The following PTBP3 variants were observed in gnomAD, a reference collection of about 807,000 sequenced individuals.
The protein encoded by PTBP3 is polypyrimidine tract-binding protein 3.
Under a neutral mutation model 58.7 loss-of-function variants are expected in PTBP3, and 20 were observed. The ratio of observed to expected loss-of-function variants is 0.34; its 90% CI spans 0.24 to 0.50. PTBP3 has a LOEUF of 0.50. Ranked by LOEUF, PTBP3 falls within the 20% of genes least tolerant of loss-of-function variation. The probability of loss-of-function intolerance (pLI) is 0.98; values close to 1 mark genes in which losing one functional copy is unlikely to be tolerated. For synonymous variants in PTBP3, 185 were observed against 219.8 expected (o/e 0.84, Z 1.40); for missense variants, 509 against 637.2 (o/e 0.80, Z 2.17).
At chr9:112,262,094 C>T (rs1205687622) in intron 5 of PTBP3, among the ~76,000 whole-genome samples, 1 of 152,198 alleles carries the variant, frequency 6.6e-6, no homozygotes, top group East Asian at 1.9e-4. Context: ...AGGTAAGAAG[C>T]TGTCCAGAAA....
At chr9:112,371,030 G>C in the PTBP3 span, among the ~76,000 whole-genome samples, 2 of 151,748 alleles carry the variant, frequency 1.3e-5, no homozygotes, top group Non-Finnish European at 2.9e-5. Context: ...GGATTCCTTA[G>C]GTTTTTCTAG....
At chr9:112,338,291 T>C (rs925826670), upstream of PTBP3, among the ~76,000 whole-genome samples, 2 of 152,168 alleles carry the variant, frequency 1.3e-5, no homozygotes, top group African/African-American at 4.8e-5. Flanking sequence ...ATGATAAAAT[T>C]GCATAGAACT....
the PTBP3 span, among the ~76,000 whole-genome samples, chr9:112,377,181 G>A: frequency 6.6e-6 from 1 of 152,168 alleles, no homozygotes; most frequent in Admixed American, 6.6e-5. Flanking sequence ...ACCAACCTGG[G>A]CAACATAGTG....
rs943015791 is a variant in PTBP3 at position 112,220,073 on chromosome 9, T to C, written c.*3778A>G. 1.7e-6 allele frequency: 2 copies of C among 1,184,518 alleles called. No homozygotes were observed. The highest frequency in any genetic ancestry group is 1.6e-5 in the African/African-American group (1 of 61,960). 73.4% of individuals were successfully genotyped at this position (1,184,518 alleles called of 1,614,324 possible). On this transcript the variant is annotated 3_prime_UTR_variant, in exon 14 of 14. Coordinates refer to ENST00000374257, the MANE Select transcript of PTBP3 (RefSeq NM_001163788.4). The stretch of plus-strand genomic sequence containing the variant: ...AAGACAAAGGAAAGGCTAAGAAAAA[T>C]GCTTTACGCATCGTCACGCTGTCTC...
chr9:112,265,225 G>A (rs1046810683), intron 4 of PTBP3, among the ~76,000 whole-genome samples: 3 of 151,874 alleles, frequency 2.0e-5, no homozygotes, highest in South Asian at 2.1e-4. Context: ...CTTAGGAGCC[G>A]GGTGCAGTGG....
At chr9:112,254,682 CT>C (rs1475502557) in intron 5 of PTBP3, among the ~76,000 whole-genome samples, 2 of 152,156 alleles carry the variant, frequency 1.3e-5, no homozygotes, top group Admixed American at 6.5e-5. Context: ...TATCACCTAA[CT>C]TCCATTAGGA....
At chr9:112,231,979 GAGAAGAGAAGAGAAGAGA>G (rs1564391497) in intron 9 of PTBP3, 102 bp downstream of exon 9, 50 of 409,676 alleles carry the variant, frequency 1.2e-4, no homozygotes, top group Admixed American at 2.6e-4. Context: ...GAGAAGAGAA[GAGAAGAGAAGAGAAGAGA>G]AGAGAAGAGA....
chr9:112,333,454 G>A lies in PTBP3; in HGVS notation c.-52+16C>T, dbSNP rs769768119. ...CAAGGCAACCCGGTGCGGCCGCCGC[G>A]CCGCCTAGTACTTACCCATCCATGG... is the stretch of plus-strand genomic sequence containing the variant. On this transcript the variant is annotated intron_variant, in intron 1 of 13. Transcript: ENST00000374257. The A allele has an allele frequency of 3.8e-6, 6 of 1,574,176 alleles. No individual in the cohort carries two copies. Among genetic ancestry groups the A allele is most frequent in the Non-Finnish European group, 1.7e-6 (2 of 1,160,916 alleles).
chr9:112,222,413 G>C lies in PTBP3; in HGVS notation c.*1438C>G. The C allele has an allele frequency of 1.0e-6, 1 of 985,488 alleles. No individual in the cohort carries two copies. The highest frequency in any genetic ancestry group is 1.2e-6 in the Non-Finnish European group (1 of 829,884). The allele number at this position is 985,488 out of a possible 1,614,324, so 61.0% of individuals were successfully genotyped here. On this transcript the variant is annotated 3_prime_UTR_variant, in exon 14 of 14. Transcript: ENST00000374257. ...ATGAAAGTCACATTAACAAAGAAAA[G>C]CAAGTTCTCGCTTGAGGACTGAGAA...
chr9:112,245,970 T>C (rs1835859873), intron 7 of PTBP3, among the ~76,000 whole-genome samples: 1 of 152,062 alleles, frequency 6.6e-6, no homozygotes, highest in Admixed American at 6.5e-5. Context: ...TGAGCCACTG[T>C]GCTCAGTCAA....
chr9:112,268,328 A>G (rs1381935320), intron 3 of PTBP3, 133 bp from the exon 4 acceptor site: 1 of 775,860 alleles, frequency 1.3e-6, no homozygotes, highest in Non-Finnish European at 1.9e-6. Flanking sequence ...GGGGAGGGAA[A>G]AACAAAAAAA....
chr9:112,313,347 G>A (rs936732977), intron 1 of PTBP3, among the ~76,000 whole-genome samples: 8 of 152,264 alleles, frequency 5.3e-5, no homozygotes, highest in South Asian at 2.1e-4. Flanking sequence ...GGGACTACAG[G>A]TGTGTGCCAC....
chr9:112,360,888 G>A, the PTBP3 span, among the ~76,000 whole-genome samples: 4 of 151,982 alleles, frequency 2.6e-5, no homozygotes, highest in African/African-American at 9.7e-5. Context: ...TCAAGAAATT[G>A]GAAGGTTACT....
the PTBP3 span, among the ~76,000 whole-genome samples, chr9:112,341,987 T>C: frequency 6.6e-6 from 1 of 152,218 alleles, no homozygotes; most frequent in African/African-American, 2.4e-5. Flanking sequence ...CTGGAAGAGA[T>C]TGGCATTTGC....
intron 10 of PTBP3, among the ~76,000 whole-genome samples, chr9:112,230,344 A>C (rs1835153055): frequency 6.7e-6 from 1 of 149,270 alleles, no homozygotes; most frequent in Admixed American, 6.7e-5. Context: ...ACATTCAAAA[A>C]ATTTGGAAGC....
rs749124799 is a variant in PTBP3 at position 112,221,553 on chromosome 9, A to G, written c.*2298T>C. On this transcript the variant is annotated 3_prime_UTR_variant, in exon 14 of 14. Transcript: ENST00000374257. The stretch of plus-strand genomic sequence containing the variant: ...ATAGTGCCTGTGTGGAAGGGAAAAA[A>G]AAGCAAGTTTTGGGAGATTTTGCAA... 1.1e-5 allele frequency: 11 copies of G among 985,744 alleles called. No homozygotes were observed. Among genetic ancestry groups the G allele is most frequent in the Non-Finnish European group, 1.3e-5 (11 of 829,922 alleles). The allele number at this position is 985,744 out of a possible 1,614,324, so 61.1% of individuals were successfully genotyped here.
the PTBP3 span, chr9:112,362,934 G>T: frequency 3.7e-6 from 1 of 268,546 alleles, no homozygotes; most frequent in South Asian, 4.9e-5. Flanking sequence ...GCGGCTTCTG[G>T]AAGTTTCTGG....
chr9:112,243,741 A>C (rs1466089847), intron 7 of PTBP3, among the ~76,000 whole-genome samples: 8 of 152,360 alleles, frequency 5.3e-5, no homozygotes, highest in Non-Finnish European at 1.2e-4. Context: ...GTTAGAAAAC[A>C]AAACAGTAAT....
chr9:112,288,462 A>G (rs1828237734), intron 2 of PTBP3, among the ~76,000 whole-genome samples: 1 of 152,064 alleles, frequency 6.6e-6, no homozygotes, highest in Non-Finnish European at 1.5e-5. Flanking sequence ...AACCTTCCCA[A>G]ACTTCAATCT....
Sources: gnomAD v4.1 joint callset for allele counts (sites outside exome capture counted in the v4.1 genomes callset) on GRCh38, gnomAD v4.1.1 for gene constraint, MANE v1.5 for transcripts, NCBI Gene and HGNC (gene_info 2026-07-23, HGNC 2026-07-21) for gene names.